UTRN: variants seen among roughly 807,000 people sequenced by gnomAD.
UTRN encodes the protein dystrophin-related protein 1.
UTRN carries 283 observed loss-of-function variants against 463.9 expected under a neutral mutation model. The observed-to-expected ratio is 0.61, with a 90% CI of 0.55 to 0.67. The LOEUF is 0.67. UTRN is among the 30% of genes least tolerant of loss of function. The probability of loss-of-function intolerance (pLI) is 0.00; values close to 1 mark genes in which losing one functional copy is unlikely to be tolerated. For synonymous variants in UTRN, 1,442 were observed against 1,431.5 expected, an observed-to-expected ratio of 1.01 and a Z score of -0.17; for missense variants, 3,922 against 4,084.3, an observed-to-expected ratio of 0.96 and a Z score of 1.08.
Position 144,436,074 on chromosome 6 carries a change from T to C in UTRN, c.995T>C (p.Phe332Ser). ...TGGTTGCTTTCTGCTGAGGACACTT[T>C]CCAGGAGCAGGATGATATTTCTGAT... The part of the protein sequence containing the change: ...LTWLLSAEDT[F>S]QEQDDISDDV... Residue 332 changes from phenylalanine to serine, a missense_variant, in exon 10 of 75, where the codon TTC (phenylalanine) becomes TCC (serine). Physicochemically the swap from Phe to Ser is radical, Grantham distance 155. Around this residue, in one of 3 missense-constraint regions of UTRN, gnomAD observed 2,349 missense variants for 2,303.8 expected, o/e 1.02. Transcript: ENST00000367545. The C allele has an allele frequency of 6.2e-7, 1 of 1,614,196 alleles. No homozygotes were observed. Among genetic ancestry groups the C allele is most frequent in the South Asian group, 1.1e-5 (1 of 91,082 alleles).
intron 39 of UTRN, among the ~76,000 whole-genome samples, chr6:144,520,980 T>C (rs1796035328): frequency 6.6e-6 from 1 of 152,070 alleles, no homozygotes; most frequent in Admixed American, 6.6e-5. Context: ...GAGCACTTTA[T>C]TGTTTAGAAA....
chr6:144,542,722 ACCT>A, intron 45 of UTRN, 70 bp from the exon 46 acceptor site: 1 of 1,481,200 alleles, frequency 6.8e-7, no homozygotes, highest in Non-Finnish European at 9.2e-7. Context: ...TCAGAATAAC[ACCT>A]CTTCTTTTGA....
intron 68 of UTRN, 60 bp from the exon 69 acceptor site, chr6:144,828,730 G>A (rs1340955940): frequency 3.2e-5 from 48 of 1,480,314 alleles, no homozygotes; most frequent in Admixed American, 3.0e-4. Context: ...AAGGATGTAC[G>A]TCCAATTGAC....
intron 44 of UTRN, among the ~76,000 whole-genome samples, chr6:144,539,052 C>T (rs988580740): frequency 5.9e-5 from 9 of 152,122 alleles, no homozygotes; most frequent in Non-Finnish European, 8.8e-5. Context: ...GGTTAAGAGA[C>T]AGTGAGTACC....
chr6:144,384,023 T>C (rs1781176206), intron 2 of UTRN, among the ~76,000 whole-genome samples: 1 of 152,186 alleles, frequency 6.6e-6, no homozygotes, highest in Non-Finnish European at 1.5e-5. Context: ...ACATGAAAAA[T>C]GTTTATTGCA....
rs1562959826 is a variant in UTRN at position 144,828,874 on chromosome 6, T to A, written c.9665+19T>A. 1.2e-6 allele frequency: 2 copies of A among 1,612,718 alleles called. No homozygotes were observed. The highest frequency in any genetic ancestry group is 3.3e-5 in the Admixed American group (2 of 59,918). On this transcript the variant is annotated intron_variant, in intron 69 of 74. Transcript: ENST00000367545. ...GAAGTGTGTAAGTAAATCATGAAAT[T>A]AGTGCTGCCTGGGAAGGCTAGTTCT...
chr6:144,563,941 TCAAA>T (rs1312447324), intron 50 of UTRN, among the ~76,000 whole-genome samples: 1 of 152,194 alleles, frequency 6.6e-6, no homozygotes, highest in Admixed American at 6.5e-5. Context: ...TAGCTCCATA[TCAAA>T]CAAACTAAAG....
intron 58 of UTRN, among the ~76,000 whole-genome samples, chr6:144,760,782 C>G (rs532290662): frequency 6.6e-6 from 1 of 152,210 alleles, no homozygotes; most frequent in Admixed American, 6.5e-5. Flanking sequence ...TGAGAATTTC[C>G]TGGAGCAAAT....
At chr6:144,343,893 A>T (rs1777342367) in intron 2 of UTRN, among the ~76,000 whole-genome samples, 1 of 152,040 alleles carries the variant, frequency 6.6e-6, no homozygotes, top group South Asian at 2.1e-4. Context: ...TTCCCAGCTG[A>T]TACTGTCAAA....
intron 52 of UTRN, among the ~76,000 whole-genome samples, chr6:144,690,194 C>T (rs1408684262): frequency 7.1e-6 from 1 of 141,082 alleles, no homozygotes; most frequent in Non-Finnish European, 1.5e-5. Flanking sequence ...AGTCCATGCT[C>T]TGGCTCTCCA....
Position 144,748,464 on chromosome 6 carries a change from G to A in UTRN, c.8158G>A (p.Val2720Met), listed in dbSNP as rs144596208. The change falls in exon 55 of 75, where the codon GTG becomes ATG. Residue 2720 changes from valine to methionine, a missense_variant. Physicochemically the swap from Val to Met is conservative, Grantham distance 21. Coordinates refer to ENST00000367545, the MANE Select transcript of UTRN (RefSeq NM_007124.3). Reference sequence around the variant, plus strand: ...GTCCGTGCGGAATGGCTGGAAGCCCGTGGGAGACTTACTCATTGACTCGCT... The same window carrying A: ...GTCCGTGCGGAATGGCTGGAAGCCCATGGGAGACTTACTCATTGACTCGCT... ...AESVRNGWKP[V>M]GDLLIDSLQD... is the part of the protein sequence containing the mutation. The A allele has an allele frequency of 2.6e-5, 42 of 1,613,884 alleles. No individual in the cohort carries two copies. The highest frequency in any genetic ancestry group is 1.5e-4 in the African/African-American group (11 of 74,928).
chr6:144,489,959 T>C, intron 30 of UTRN, 112 bp from the exon 31 acceptor site: 2 of 1,440,756 alleles, frequency 1.4e-6, no homozygotes, highest in Non-Finnish European at 9.4e-7. Flanking sequence ...GTCAACATTA[T>C]GTAAAATACG....
chr6:144,637,642 A>T (rs1585712002), intron 51 of UTRN, among the ~76,000 whole-genome samples: 1 of 127,266 alleles, frequency 7.9e-6, no homozygotes, highest in Non-Finnish European at 1.6e-5. Context: ...CACGTTGTTT[A>T]AAAAAAAAAA....
chr6:144,787,912 T>C (rs1776423029), intron 61 of UTRN, among the ~76,000 whole-genome samples: 1 of 152,134 alleles, frequency 6.6e-6, no homozygotes, highest in South Asian at 2.1e-4. Context: ...ATAATAAAGA[T>C]AGCAATAAAG....
intron 63 of UTRN, 97 bp downstream of exon 63, chr6:144,794,088 A>G (rs1367576763): frequency 2.7e-6 from 4 of 1,488,752 alleles, no homozygotes; most frequent in Admixed American, 2.1e-5. Flanking sequence ...GGAGCCAAAT[A>G]CTGGAAGACT....
At chr6:144,588,971 G>T (rs1246909926) in intron 51 of UTRN, among the ~76,000 whole-genome samples, 1 of 152,174 alleles carries the variant, frequency 6.6e-6, no homozygotes. Context: ...GCATCAGAGG[G>T]TTGCTTTTCA....
intron 61 of UTRN, among the ~76,000 whole-genome samples, chr6:144,786,775 G>T (rs1249215656): frequency 6.6e-6 from 1 of 152,132 alleles, no homozygotes; most frequent in African/African-American, 2.4e-5. Flanking sequence ...CTAATGATAG[G>T]CAGCCACAAT....
At chr6:144,444,089 C>T (rs1050926729) in intron 13 of UTRN, among the ~76,000 whole-genome samples, 192 bp from the exon 14 acceptor site, 1 of 152,114 alleles carries the variant, frequency 6.6e-6, no homozygotes, top group African/African-American at 2.4e-5. Context: ...TTGTTCAATT[C>T]TATGGAAATT....
In UTRN at chr6:144,405,833, G is replaced by A. The variant is rs1051631224; in HGVS notation, c.141+2649G>A. ...CCACTTACTCTATGTAGAGTGACACGTCTCTTTTCCAAGGCATTGTTATTT... is the reference window on the plus strand; with the variant it reads ...CCACTTACTCTATGTAGAGTGACACATCTCTTTTCCAAGGCATTGTTATTT... On this transcript the variant is annotated intron_variant, in intron 3 of 74. Coordinates refer to ENST00000367545, the MANE Select transcript of UTRN (RefSeq NM_007124.3). Among the ~76,000 whole-genome samples the A allele has an allele frequency of 5.9e-5, 9 of 152,286 alleles. No homozygotes were observed. The South Asian group carries it at 8.3e-4, about 14-fold the overall frequency.
Sources: gnomAD v4.1 joint callset for allele counts (sites outside exome capture counted in the v4.1 genomes callset) on GRCh38, gnomAD v4.1.1 for gene constraint, gnomAD v4.1.1 regional missense constraint, MANE v1.5 for transcripts, NCBI Gene and HGNC (gene_info 2026-07-23, HGNC 2026-07-21) for gene names.